The following SRD5A3 variants were observed in gnomAD, a reference collection of about 807,000 sequenced individuals.
The protein encoded by SRD5A3 is polyprenal reductase.
Under a neutral mutation model 34.3 loss-of-function variants are expected in SRD5A3, and 24 were observed. The ratio of observed to expected loss-of-function variants is 0.70; its 90% CI spans 0.51 to 0.99. The LOEUF is 0.99. SRD5A3 is among the 50% of genes least tolerant of loss of function. The pLI is 0.00. For missense variants in SRD5A3, 350 were observed against 388.2 expected (o/e 0.90, Z 0.83); for synonymous variants, 161 against 167.3 (o/e 0.96, Z 0.29).
At chr4:55,365,887 C>G (rs1016082339) in intron 3 of SRD5A3, among the ~76,000 whole-genome samples, 1 of 152,306 alleles carries the variant, frequency 6.6e-6, no homozygotes, top group East Asian at 1.9e-4. Flanking sequence ...TCTTGATGGG[C>G]CTGCATCTGG....
At chr4:55,353,512 A>C (rs1296459815) in intron 1 of SRD5A3, among the ~76,000 whole-genome samples, 1 of 152,216 alleles carries the variant, frequency 6.6e-6, no homozygotes, top group Non-Finnish European at 1.5e-5. Flanking sequence ...TGGCCACCCG[A>C]GCCAGCAGCG....
chr4:55,367,302 T>C (rs969065999), intron 3 of SRD5A3: 4 of 505,536 alleles, frequency 7.9e-6, no homozygotes, highest in African/African-American at 5.8e-5. Context: ...AGAGAATGTG[T>C]CTGTGTGGAA....
intron 1 of SRD5A3, among the ~76,000 whole-genome samples, chr4:55,349,768 T>TC (rs997367594): frequency 6.6e-6 from 1 of 152,156 alleles, no homozygotes; most frequent in African/African-American, 2.4e-5. Context: ...GCCCAGACTT[T>TC]CCCCACTGAA....
chr4:55,362,826 GTGTT>G (rs905594503), intron 2 of SRD5A3, among the ~76,000 whole-genome samples: 11 of 149,462 alleles, frequency 7.4e-5, no homozygotes, highest in East Asian at 5.9e-4. Context: ...GCGTGTGTGT[GTGTT>G]TGTGTGTGAG....
chr4:55,352,129 A>G, intron 1 of SRD5A3: 1 of 813,830 alleles, frequency 1.2e-6, no homozygotes, highest in Non-Finnish European at 2.2e-6. Flanking sequence ...TGGTATACAG[A>G]CAGTCCATCA....
intron 3 of SRD5A3, chr4:55,365,538 C>G (rs1719856006): frequency 6.6e-6 from 1 of 152,366 alleles, no homozygotes; most frequent in South Asian, 2.1e-4. Flanking sequence ...GCTGGTTCTC[C>G]CCCTAAAGGA....
At position 55,364,113 on chromosome 4, in the gene SRD5A3, T is replaced by G. The variant is rs1190028427; in HGVS notation, c.404T>G (p.Phe135Cys). 6.2e-7 allele frequency: 1 copy of G among 1,614,216 alleles called. No homozygotes were observed. Among genetic ancestry groups the G allele is most frequent in the East Asian group, 2.2e-5 (1 of 44,880 alleles). Residue 135 changes from phenylalanine to cysteine, a missense_variant, in exon 3 of 5, where the codon TTT (phenylalanine) becomes TGT (cysteine). Physicochemically the swap from Phe to Cys is radical, Grantham distance 205 (BLOSUM62 -2). Coordinates refer to ENST00000264228, the MANE Select transcript of SRD5A3 (RefSeq NM_024592.5). ...LALSAFLVLV[F>C]LWLHSLRRLF... The stretch of plus-strand genomic sequence containing the variant: ...CTGTCTGCATTCTTAGTGCTAGTAT[T>G]TCTGTGGCTGCACAGCTTACGAAGA...
Position 55,371,525 on chromosome 4 carries a change from C to T in SRD5A3, c.*1434C>T, listed in dbSNP as rs1720125707. 1 of 152,196 alleles carries T rather than the reference C, an allele frequency of 6.6e-6. No homozygotes were observed. 9.4% of individuals were successfully genotyped at this position (152,196 alleles called of 1,614,324 possible). A position where few individuals can be genotyped will look rare whatever the true frequency, so the allele number is the denominator to read the frequency against. On this transcript the variant is annotated 3_prime_UTR_variant, in exon 5 of 5. Transcript: ENST00000264228. ...CAGTCAGCTAAGCACTAAAGCTTTGCATTTATATGTACTTTGCTATGGGGG... is the reference window on the plus strand; with the variant it reads ...CAGTCAGCTAAGCACTAAAGCTTTGTATTTATATGTACTTTGCTATGGGGG...
chr4:55,355,999 C>CCTT (rs1578204604), intron 1 of SRD5A3, among the ~76,000 whole-genome samples: 1 of 65,922 alleles, frequency 1.5e-5, no homozygotes, highest in Non-Finnish European at 3.4e-5. Flanking sequence ...CTTTTGCCTC[C>CCTT]ATTTTTTTTT....
intron 1 of SRD5A3, among the ~76,000 whole-genome samples, chr4:55,354,838 A>G (rs991552487): frequency 2.0e-5 from 3 of 152,218 alleles, no homozygotes; most frequent in African/African-American, 7.2e-5. Context: ...GTGCGCGCGT[A>G]CGCATGTGTA....
rs540686554 is a variant in SRD5A3, at chr4:55,370,538, C to T, written c.*447C>T. Reference sequence around the variant, plus strand: ...GGACTATATAATAATATAGCAGGTGCTCAATAACTGTTTGTTGCATTTCAG... The same window carrying T: ...GGACTATATAATAATATAGCAGGTGTTCAATAACTGTTTGTTGCATTTCAG... On this transcript the variant is annotated 3_prime_UTR_variant, in exon 5 of 5. Coordinates refer to ENST00000264228, the MANE Select transcript of SRD5A3 (RefSeq NM_024592.5). 3.2e-5 allele frequency: 6 copies of T among 184,748 alleles called. No individual in the cohort carries two copies. The highest frequency in any genetic ancestry group is 6.8e-5 in the Non-Finnish European group (6 of 88,492). 11.4% of individuals were successfully genotyped at this position (184,748 alleles called of 1,614,324 possible).
intron 2 of SRD5A3, among the ~76,000 whole-genome samples, chr4:55,363,479 CAAAA>C (rs1271142480): frequency 4.0e-5 from 6 of 151,512 alleles, no homozygotes; most frequent in Non-Finnish European, 7.4e-5. Context: ...AAATAAAAAA[CAAAA>C]AAGAAAAAAA....
At chr4:55,350,492 AT>A (rs373828731) in intron 1 of SRD5A3, among the ~76,000 whole-genome samples, 16 of 151,492 alleles carry the variant, frequency 1.1e-4, no homozygotes, top group African/African-American at 1.7e-4. Context: ...TGCTTGTATA[AT>A]TTTTTTTTGT....
intron 1 of SRD5A3, among the ~76,000 whole-genome samples, chr4:55,347,498 C>T (rs1432039017): frequency 1.3e-5 from 2 of 152,100 alleles, no homozygotes; most frequent in Non-Finnish European, 2.9e-5. Context: ...GGCTTGGTGG[C>T]GTGTGCCTGT....
chr4:55,354,925 A>G (rs1316582992), intron 1 of SRD5A3, among the ~76,000 whole-genome samples: 7 of 152,242 alleles, frequency 4.6e-5, no homozygotes, highest in Non-Finnish European at 8.8e-5. Context: ...GATTTAAAGT[A>G]AGCACTCAAA....
intron 4 of SRD5A3, 78 bp from the exon 5 acceptor site, chr4:55,369,754 A>G: frequency 6.4e-7 from 1 of 1,553,074 alleles, no homozygotes; most frequent in Non-Finnish European, 8.8e-7. Flanking sequence ...AAAATTCTGT[A>G]AATGATTTGC....
At chr4:55,364,514 C>T (rs1719803782) in intron 3 of SRD5A3, 6 of 506,736 alleles carry the variant, frequency 1.2e-5, no homozygotes, top group Non-Finnish European at 2.2e-5. Context: ...AGTTCGAGAC[C>T]AGCCTGGCCA....
At chr4:55,369,795 C>T (rs778128730) in intron 4 of SRD5A3, 37 bp from the exon 5 acceptor site, 1 of 1,613,004 alleles carries the variant, frequency 6.2e-7, no homozygotes, top group Non-Finnish European at 8.5e-7. Context: ...CTTTTCAAAC[C>T]TTTAAATGCT....
intron 1 of SRD5A3, among the ~76,000 whole-genome samples, chr4:55,352,662 T>C (rs917201212): frequency 6.6e-6 from 1 of 152,256 alleles, no homozygotes; most frequent in Non-Finnish European, 1.5e-5. Context: ...GTTGATTAAC[T>C]GGATGCCTAC....
Sources: allele counts gnomAD v4.1 joint callset (sites outside exome capture counted in the v4.1 genomes callset), GRCh38; gene constraint gnomAD v4.1.1; transcripts MANE v1.5; gene names NCBI Gene and HGNC (gene_info 2026-07-23, HGNC 2026-07-21).